NR2F1-AS1: variants seen among roughly 807,000 people sequenced by gnomAD.
The protein encoded by NR2F1-AS1 is NR2F1 antisense RNA 1.
intron 4 of NR2F1-AS1, among the ~76,000 whole-genome samples, chr5:93,456,658 A>ATT (rs75556353): frequency 1.4e-5 from 2 of 145,980 alleles, no homozygotes; most frequent in Admixed American, 6.9e-5. Flanking sequence ...TACATTTTTA[A>ATT]TTTTTTTTTT....
chr5:93,461,826 A>G (rs532992162), intron 4 of NR2F1-AS1, among the ~76,000 whole-genome samples: 33 of 152,294 alleles, frequency 2.2e-4, no homozygotes, highest in African/African-American at 6.7e-4. Flanking sequence ...TGACATCTAT[A>G]ATAATTTTAC....
chr5:93,534,633 A>G (rs913079114), intron 4 of NR2F1-AS1, among the ~76,000 whole-genome samples: 3 of 152,222 alleles, frequency 2.0e-5, no homozygotes, highest in Admixed American at 2.0e-4. Context: ...TCTTAATTCA[A>G]ATAATGAGAA....
At chr5:93,418,858 T>C (rs1749026664) in intron 4 of NR2F1-AS1, among the ~76,000 whole-genome samples, 1 of 152,152 alleles carries the variant, frequency 6.6e-6, no homozygotes, top group Admixed American at 6.5e-5. Context: ...TGAAAAAGAA[T>C]ATGGAGTTTC....
chr5:93,582,242 C>T (rs909040099), upstream of NR2F1-AS1, among the ~76,000 whole-genome samples: 3 of 144,212 alleles, frequency 2.1e-5, no homozygotes, highest in Non-Finnish European at 3.0e-5. Flanking sequence ...ATGATTGAAG[C>T]ATTGTTGGAG....
At chr5:93,453,796 T>G (rs1231328830) in intron 4 of NR2F1-AS1, among the ~76,000 whole-genome samples, 1 of 152,146 alleles carries the variant, frequency 6.6e-6, no homozygotes, top group Non-Finnish European at 1.5e-5. Context: ...ACAGACCTTT[T>G]CCAGACAGAC....
intron 1 of NR2F1-AS1, among the ~76,000 whole-genome samples, chr5:93,573,488 G>A (rs1339055649): frequency 6.6e-6 from 1 of 152,146 alleles, no homozygotes; most frequent in Non-Finnish European, 1.5e-5. Context: ...ACGCAACTGG[G>A]AGATCCTGGA....
At chr5:93,529,703 G>A (rs930927510) in intron 4 of NR2F1-AS1, among the ~76,000 whole-genome samples, 3 of 151,946 alleles carry the variant, frequency 2.0e-5, no homozygotes, top group African/African-American at 7.2e-5. Flanking sequence ...CTCTAACCAC[G>A]TTTTTCACAT....
intron 4 of NR2F1-AS1, among the ~76,000 whole-genome samples, chr5:93,456,751 C>T (rs1326560475): frequency 6.6e-6 from 1 of 151,766 alleles, no homozygotes; most frequent in African/African-American, 2.4e-5. Flanking sequence ...CTCTGAGTTC[C>T]CTCAGTATTT....
intron 4 of NR2F1-AS1, among the ~76,000 whole-genome samples, chr5:93,515,307 A>G (rs1443321487): frequency 1.3e-5 from 2 of 151,914 alleles, no homozygotes; most frequent in African/African-American, 4.8e-5. Context: ...TCCTGACCAT[A>G]ATTGTATCAA....
chr5:93,432,679 C>T (rs565357485), intron 4 of NR2F1-AS1, among the ~76,000 whole-genome samples: 1 of 152,242 alleles, frequency 6.6e-6, no homozygotes, highest in African/African-American at 2.4e-5. Flanking sequence ...ACTGCTGATG[C>T]GTCATAGCTG....
intron 4 of NR2F1-AS1, among the ~76,000 whole-genome samples, chr5:93,438,302 G>A (rs1478719359): frequency 2.0e-5 from 3 of 152,184 alleles, no homozygotes; most frequent in African/African-American, 7.2e-5. Flanking sequence ...GCAGCTGACT[G>A]CTGCTTGAAA....
chr5:93,523,604 T>C (rs1252933979), intron 4 of NR2F1-AS1, among the ~76,000 whole-genome samples: 3 of 152,050 alleles, frequency 2.0e-5, no homozygotes, highest in Admixed American at 2.0e-4. Flanking sequence ...AAAGAAGAGC[T>C]CCAGCTGGGA....
chr5:93,572,759 C>G (rs1236604142), intron 1 of NR2F1-AS1, among the ~76,000 whole-genome samples: 5 of 152,248 alleles, frequency 3.3e-5, no homozygotes, highest in Non-Finnish European at 7.3e-5. Flanking sequence ...ATTGGCGTCT[C>G]CCTGTCAAGT....
chr5:93,475,545 C>A (rs1197750680), intron 4 of NR2F1-AS1, among the ~76,000 whole-genome samples: 1 of 152,162 alleles, frequency 6.6e-6, no homozygotes, highest in Admixed American at 6.5e-5. Flanking sequence ...AACACAACTG[C>A]TTTCATTAAG....
At chr5:93,443,873 A>G (rs528805600) in intron 4 of NR2F1-AS1, among the ~76,000 whole-genome samples, 1 of 152,362 alleles carries the variant, frequency 6.6e-6, no homozygotes, top group African/African-American at 2.4e-5. Context: ...TCTACAAGCC[A>G]GAAGAGAGTG....
intron 4 of NR2F1-AS1, among the ~76,000 whole-genome samples, chr5:93,507,842 C>T (rs1056978340): frequency 5.9e-5 from 9 of 151,932 alleles, no homozygotes; most frequent in African/African-American, 1.9e-4. Context: ...AGGCAATATC[C>T]AAGCATAAAT....
intron 4 of NR2F1-AS1, among the ~76,000 whole-genome samples, chr5:93,433,712 C>G (rs560946477): frequency 1.3e-5 from 2 of 152,278 alleles, no homozygotes; most frequent in South Asian, 4.1e-4. Flanking sequence ...GCTTCCTTGT[C>G]TATTCTGAAT....
chr5:93,490,585 G>A (rs1750816372), intron 4 of NR2F1-AS1, among the ~76,000 whole-genome samples: 2 of 150,302 alleles, frequency 1.3e-5, no homozygotes, highest in African/African-American at 4.9e-5. Flanking sequence ...TGGTGGTGGT[G>A]GTGATGGTGG....
At position 93,495,609 on chromosome 5, in the gene NR2F1-AS1, C is replaced by T. The variant is rs78867245; in HGVS notation, n.638+58152G>A. Among the ~76,000 whole-genome samples the T allele has an allele frequency of 2.4e-3, 366 of 151,882 alleles. 2 individuals carry two copies. Among genetic ancestry groups the T allele is most frequent in the African/African-American group, 8.3e-3 (345 of 41,458 alleles). On this transcript the variant is annotated intron_variant and non_coding_transcript_variant, in intron 4 of 5. Coordinates refer to ENST00000660523, the Ensembl canonical transcript of NR2F1-AS1. ...TAAGTTAAGAATCTGAAGATAATAC[C>T]TACTGTTTTACTCTATTTGGAAAAA...
Sources: allele counts gnomAD v4.1 joint callset (sites outside exome capture counted in the v4.1 genomes callset), GRCh38; gene constraint gnomAD v4.1.1; transcripts MANE v1.5; gene names NCBI Gene and HGNC (gene_info 2026-07-23, HGNC 2026-07-21).